The following RTN4 variants were observed in gnomAD, a reference collection of about 807,000 sequenced individuals.
RTN4 encodes reticulon-4.
RTN4 carries 32 observed loss-of-function variants against 90.4 expected under a neutral mutation model. The observed-to-expected ratio is 0.35, with a 90% CI of 0.27 to 0.48. The LOEUF (loss-of-function observed/expected upper bound fraction) is 0.48, where lower values mean the gene tolerates loss of function less well. Ranked by LOEUF, RTN4 falls within the 20% of genes least tolerant of loss-of-function variation. The pLI, the probability that RTN4 is intolerant of heterozygous loss-of-function variation, is 0.99. For synonymous variants in RTN4, 629 were observed against 552.5 expected, an observed-to-expected ratio of 1.14 and a Z score of -1.94; for missense variants, 1,706 against 1,430.2, an observed-to-expected ratio of 1.19 and a Z score of -3.11.
At chr2:55,121,180 G>T in the RTN4 span, among the ~76,000 whole-genome samples, 1 of 152,144 alleles carries the variant, frequency 6.6e-6, no homozygotes, top group Non-Finnish European at 1.5e-5. Flanking sequence ...ACCATACATG[G>T]GACTGGAAAT....
intron 1 of RTN4, among the ~76,000 whole-genome samples, chr2:55,043,433 T>C (rs960788989): frequency 6.6e-6 from 1 of 152,166 alleles, no homozygotes; most frequent in Non-Finnish European, 1.5e-5. Flanking sequence ...ATCAAGTTAT[T>C]CTAATAAGTT....
chr2:55,027,594 A>C lies in RTN4; in HGVS notation c.614-109T>G. 3.6e-6 allele frequency: 4 copies of C among 1,117,884 alleles called. No individual in the cohort carries two copies. The South Asian group carries it at 6.5e-5, about 18-fold the overall frequency. The allele number at this position is 1,117,884 out of a possible 1,614,324, so 69.2% of individuals were successfully genotyped here. ...GTTAGTAAAGACTTACTGTTTACTAAAATGAAATGTTAATAGCAATTAATA... is the reference window on the plus strand; with the variant it reads ...GTTAGTAAAGACTTACTGTTTACTACAATGAAATGTTAATAGCAATTAATA... On this transcript the variant is annotated intron_variant, in intron 2 of 8. Transcript: ENST00000337526.
In RTN4 at chr2:54,972,929, C is replaced by A. The variant is rs144089719; in HGVS notation, c.*227G>T. 8.0e-4 allele frequency: 303 copies of A among 377,248 alleles called. 1 individual carries two copies. The highest frequency in any genetic ancestry group is 5.4e-3 in the African/African-American group (260 of 47,940). The allele number at this position is 377,248 out of a possible 1,614,324, so 23.4% of individuals were successfully genotyped here. A position where few individuals can be genotyped will look rare whatever the true frequency, so the allele number is the denominator to read the frequency against. On this transcript the variant is annotated 3_prime_UTR_variant, in exon 9 of 9. Coordinates refer to ENST00000337526, the MANE Select transcript of RTN4 (RefSeq NM_020532.5). ...GATAGATAGGAAAAAGATATGATTA[C>A]GGTTTAAATCCATACATAGCAGCTT...
At chr2:55,082,779 A>C (rs558612687) in intron 1 of RTN4, among the ~76,000 whole-genome samples, 1 of 152,328 alleles carries the variant, frequency 6.6e-6, no homozygotes, top group South Asian at 2.1e-4. Flanking sequence ...TAGGCATTTT[A>C]TATGTGTTAT....
chr2:54,998,425 AGAAT>A (rs1273515686), intron 3 of RTN4, among the ~76,000 whole-genome samples: 4 of 152,258 alleles, frequency 2.6e-5, no homozygotes, highest in African/African-American at 7.2e-5. Context: ...TTGACTGATT[AGAAT>A]GAATGAATAC....
In RTN4 at chr2:55,029,799, A is replaced by G. The variant is rs1465813503; in HGVS notation, c.557-1579T>C. ...GAGCACTAGGTAGGATGGGCTATCC[A>G]GTCAAAGGGGTAACATAATGGCTTA... is the stretch of plus-strand genomic sequence containing the variant. On this transcript the variant is annotated intron_variant, in intron 1 of 8. Coordinates refer to ENST00000337526, the MANE Select transcript of RTN4 (RefSeq NM_020532.5). 2.6e-5 allele frequency among the ~76,000 whole-genome samples: 4 copies of G among 152,206 alleles called. No individual in the cohort carries two copies. In the East Asian group the frequency reaches 5.8e-4, roughly 22 times the overall value.
At position 54,987,713 on chromosome 2, in the gene RTN4, AG is replaced by A; in HGVS notation, c.3014-16del. 6.3e-7 allele frequency: 1 copy of A among 1,581,916 alleles called. No homozygotes were observed. The highest frequency in any genetic ancestry group is 1.1e-5 in the South Asian group (1 of 88,634). On this transcript the variant is annotated splice_polypyrimidine_tract_variant and intron_variant, in intron 3 of 8. Coordinates refer to ENST00000337526, the MANE Select transcript of RTN4 (RefSeq NM_020532.5). Reference sequence around the variant, plus strand: ...GAGGTCAACAACTAAAAATTGAAAAAGAAATCTGAAATTAGAATGTTATTTT... The same window carrying A: ...GAGGTCAACAACTAAAAATTGAAAAAAAATCTGAAATTAGAATGTTATTTT...
At chr2:54,978,565 TTG>T (rs1377152786) in intron 5 of RTN4, among the ~76,000 whole-genome samples, 2 of 152,142 alleles carry the variant, frequency 1.3e-5, no homozygotes, top group African/African-American at 4.8e-5. Flanking sequence ...TTCTTTCAAA[TTG>T]TTGTTTAAAA....
At chr2:55,029,290 C>T (rs1024712471) in intron 1 of RTN4, among the ~76,000 whole-genome samples, 6 of 152,164 alleles carry the variant, frequency 3.9e-5, no homozygotes, top group Non-Finnish European at 8.8e-5. Context: ...TTCTGTTCAG[C>T]CACCCAGCCT....
chr2:54,993,702 A>G (rs1228184039), intron 3 of RTN4, among the ~76,000 whole-genome samples: 2 of 152,236 alleles, frequency 1.3e-5, no homozygotes, highest in African/African-American at 2.4e-5. Flanking sequence ...ACATACTGAA[A>G]CAAGTACTAG....
intron 2 of RTN4, among the ~76,000 whole-genome samples, chr2:55,057,723 G>A (rs867366489): frequency 6.6e-6 from 1 of 152,162 alleles, no homozygotes; most frequent in African/African-American, 2.4e-5. Flanking sequence ...GGTGGTTCAC[G>A]CCTATAATCC....
At chr2:54,987,748 G>C in intron 3 of RTN4, 50 bp from the exon 4 acceptor site, 1 of 1,470,022 alleles carries the variant, frequency 6.8e-7, no homozygotes, top group Non-Finnish European at 9.3e-7. Context: ...TTATCAATTT[G>C]GATTTGCTCC....
chr2:55,091,465 T>G (rs374022354), intron 1 of RTN4, among the ~76,000 whole-genome samples: 2 of 152,210 alleles, frequency 1.3e-5, no homozygotes, highest in Admixed American at 6.5e-5. Flanking sequence ...TCTCTACCCT[T>G]TATCTTATTT....
intron 3 of RTN4, among the ~76,000 whole-genome samples, chr2:55,022,897 A>T (rs1681543864): frequency 2.6e-5 from 1 of 38,526 alleles, no homozygotes; most frequent in African/African-American, 7.9e-5. Flanking sequence ...TCAACATCCA[A>T]CACACACACA....
At position 55,024,957 on chromosome 2, in the gene RTN4, T is replaced by C. The variant is rs980383165; in HGVS notation, c.3013+129A>G. On this transcript the variant is annotated intron_variant, in intron 3 of 8. Transcript: ENST00000337526. Reference sequence around the variant, plus strand: ...GCACTAAAACCTTTAACTGAAAAAGTGGAGAAGACTTCTTACCAATGTGAC... The same window carrying C: ...GCACTAAAACCTTTAACTGAAAAAGCGGAGAAGACTTCTTACCAATGTGAC... The C allele has an allele frequency of 2.7e-5, 31 of 1,148,254 alleles. No homozygotes were observed. The African/African-American group carries it at 4.3e-4, about 16-fold the overall frequency. 71.1% of individuals were successfully genotyped at this position (1,148,254 alleles called of 1,614,324 possible). A position where few individuals can be genotyped will look rare whatever the true frequency, so the allele number is the denominator to read the frequency against.
intron 5 of RTN4, 121 bp downstream of exon 5, chr2:54,982,394 C>T (rs1678208934): frequency 2.4e-6 from 2 of 849,166 alleles, no homozygotes; most frequent in Non-Finnish European, 3.5e-6. Flanking sequence ...CACAAGTTTA[C>T]AGCCATGTGA....
intron 1 of RTN4, among the ~76,000 whole-genome samples, chr2:55,044,819 A>C (rs978741584): frequency 6.7e-6 from 1 of 150,320 alleles, no homozygotes; most frequent in South Asian, 2.1e-4. Context: ...AAGACCACAA[A>C]TTTGACACTC....
the RTN4 span, among the ~76,000 whole-genome samples, chr2:55,137,554 C>G: frequency 6.6e-6 from 1 of 152,090 alleles, no homozygotes; most frequent in Non-Finnish European, 1.5e-5. Flanking sequence ...ATTCTGAAAT[C>G]ACGGCGGCTG....
intron 1 of RTN4, among the ~76,000 whole-genome samples, chr2:55,034,912 G>A (rs1682571764): frequency 6.6e-6 from 1 of 152,108 alleles, no homozygotes; most frequent in Admixed American, 6.5e-5. Context: ...ATGTAAGGTG[G>A]TATAATATTC....
Sources: gnomAD v4.1 joint callset for allele counts (sites outside exome capture counted in the v4.1 genomes callset) on GRCh38, gnomAD v4.1.1 for gene constraint, MANE v1.5 for transcripts, NCBI Gene and HGNC (gene_info 2026-07-23, HGNC 2026-07-21) for gene names.